Variants in SHANK2 observed in about 807,000 individuals in gnomAD.
SHANK2 encodes the protein SH3 and multiple ankyrin repeat domains 2.
A neutral mutation model predicts 133.7 loss-of-function variants in SHANK2; 43 were observed. The ratio of observed to expected loss-of-function variants is 0.32; its 90% CI spans 0.25 to 0.41. The LOEUF (loss-of-function observed/expected upper bound fraction) is 0.41, where lower values mean the gene tolerates loss of function less well. Ranked by LOEUF, SHANK2 falls within the 10% of genes least tolerant of loss-of-function variation. The pLI is 1.00. For missense variants in SHANK2, 1,994 were observed against 2,235.8 expected (o/e 0.89, Z 2.18); for synonymous variants, 1,017 against 952.8 (o/e 1.07, Z -1.24).
chr11:71,061,854 C>T (rs1442938939), intron 9 of SHANK2, among the ~76,000 whole-genome samples: 1 of 152,256 alleles, frequency 6.6e-6, no homozygotes, highest in African/African-American at 2.4e-5. Flanking sequence ...CCTAGCCCTT[C>T]CCCCGCTCTG....
intron 15 of SHANK2, chr11:70,662,101 TC>T: frequency 2.3e-6 from 1 of 427,618 alleles, no homozygotes; most frequent in Non-Finnish European, 4.3e-6. Flanking sequence ...CTCCGGCTTG[TC>T]CCGACCACAC....
chr11:70,863,205 T>C, intron 11 of SHANK2: 2 of 397,244 alleles, frequency 5.0e-6, no homozygotes, highest in Admixed American at 5.6e-5. Flanking sequence ...TCAGGAGGGG[T>C]TGGCCTGGGT....
At chr11:71,166,473 C>CTTTTTTTTTT (rs1322143159) in intron 2 of SHANK2, among the ~76,000 whole-genome samples, 1 of 131,384 alleles carries the variant, frequency 7.6e-6, no homozygotes, top group Non-Finnish European at 1.6e-5. Flanking sequence ...ATCCACACGT[C>CTTTTTTTTTT]TTTTTTTTCT....
intron 17 of SHANK2, among the ~76,000 whole-genome samples, chr11:70,512,062 A>G (rs1554969359): frequency 6.6e-6 from 1 of 152,154 alleles, no homozygotes; most frequent in African/African-American, 2.4e-5. Flanking sequence ...TACATTTTCG[A>G]TATTATCCGC....
intron 17 of SHANK2, among the ~76,000 whole-genome samples, chr11:70,526,761 C>A (rs1428490587): frequency 6.6e-6 from 1 of 152,072 alleles, no homozygotes; most frequent in Non-Finnish European, 1.5e-5. Flanking sequence ...TGACACCACT[C>A]CTCCCCCTCC....
chr11:71,195,199 T>C (rs893093249), intron 2 of SHANK2, among the ~76,000 whole-genome samples: 1 of 152,102 alleles, frequency 6.6e-6, no homozygotes, highest in Non-Finnish European at 1.5e-5. Context: ...GAGACCATCC[T>C]GGTTAACACA....
At chr11:70,540,310 C>G (rs2059602973) in intron 17 of SHANK2, among the ~76,000 whole-genome samples, 1 of 152,102 alleles carries the variant, frequency 6.6e-6, no homozygotes, top group Non-Finnish European at 1.5e-5. Flanking sequence ...AGAACAGAAC[C>G]AGCAAGCGGG....
intron 17 of SHANK2, among the ~76,000 whole-genome samples, chr11:70,549,263 C>T (rs2059734813): frequency 6.6e-6 from 1 of 152,180 alleles, no homozygotes; most frequent in South Asian, 2.1e-4. Context: ...TGCAGCGGAA[C>T]AAAGGATTCC....
chr11:70,656,147 T>C (rs782497768), intron 17 of SHANK2, among the ~76,000 whole-genome samples: 1 of 152,166 alleles, frequency 6.6e-6, no homozygotes, highest in Non-Finnish European at 1.5e-5. Flanking sequence ...CAGCCCCATG[T>C]TGTGGGAGTG....
chr11:71,091,416 T>G (rs2135106025), intron 8 of SHANK2, among the ~76,000 whole-genome samples: 1 of 152,276 alleles, frequency 6.6e-6, no homozygotes, highest in East Asian at 1.9e-4. Context: ...ATAACCTCCC[T>G]TACAGGTGTG....
At chr11:71,251,521 C>T (rs1193842407) in intron 1 of SHANK2, among the ~76,000 whole-genome samples, 1 of 151,708 alleles carries the variant, frequency 6.6e-6, no homozygotes. Flanking sequence ...CCGGTGGAGG[C>T]GCCTGGGCCG....
chr11:70,656,432 C>T (rs983118048), intron 17 of SHANK2, among the ~76,000 whole-genome samples: 1 of 152,114 alleles, frequency 6.6e-6, no homozygotes, highest in Non-Finnish European at 1.5e-5. Flanking sequence ...CTCCAAGCCT[C>T]GGCTTCAGCC....
intron 2 of SHANK2, among the ~76,000 whole-genome samples, chr11:71,209,496 G>A (rs902489198): frequency 4.6e-5 from 7 of 152,100 alleles, no homozygotes; most frequent in Admixed American, 1.3e-4. Flanking sequence ...TGCATAGGTC[G>A]TGCCTCCTCT....
chr11:70,783,843 C>A (rs1247984553), intron 14 of SHANK2, among the ~76,000 whole-genome samples: 1 of 152,198 alleles, frequency 6.6e-6, no homozygotes, highest in Admixed American at 6.5e-5. Flanking sequence ...CAAACAGGAT[C>A]CTCCCATCTA....
chr11:70,870,668 C>T (rs1949444797), intron 11 of SHANK2, among the ~76,000 whole-genome samples: 1 of 152,172 alleles, frequency 6.6e-6, no homozygotes, highest in Non-Finnish European at 1.5e-5. Context: ...GGCCTGTAGG[C>T]AATCTTTGGC....
At chr11:71,211,810 T>A (rs1251085734) in intron 2 of SHANK2, among the ~76,000 whole-genome samples, 1 of 152,016 alleles carries the variant, frequency 6.6e-6, no homozygotes, top group African/African-American at 2.4e-5. Context: ...GTGAGTCAAT[T>A]CTCTTTCATT....
At chr11:71,068,143 A>G (rs1951092515) in intron 9 of SHANK2, among the ~76,000 whole-genome samples, 1 of 152,188 alleles carries the variant, frequency 6.6e-6, no homozygotes, top group South Asian at 2.1e-4. Flanking sequence ...GATCACCGTC[A>G]CTATCATTAC....
intron 1 of SHANK2, among the ~76,000 whole-genome samples, chr11:71,233,584 A>T (rs1555123262): frequency 6.6e-6 from 1 of 152,332 alleles, no homozygotes; most frequent in East Asian, 1.9e-4. Context: ...TTACTAAAAA[A>T]CACGGCACTG....
intron 15 of SHANK2, among the ~76,000 whole-genome samples, chr11:70,683,665 C>T (rs1386872695): frequency 6.6e-6 from 1 of 152,228 alleles, no homozygotes; most frequent in African/African-American, 2.4e-5. Flanking sequence ...GGGAGGAACC[C>T]TCCTTGCTTC....
Sources: allele counts gnomAD v4.1 joint callset (sites outside exome capture counted in the v4.1 genomes callset), GRCh38; gene constraint gnomAD v4.1.1; transcripts MANE v1.5; gene names NCBI Gene and HGNC (gene_info 2026-07-23, HGNC 2026-07-21).